The following DYNC1I2 variants were observed in gnomAD, a reference collection of about 807,000 sequenced individuals.
DYNC1I2 encodes dynein cytoplasmic 1 intermediate chain 2, also known as cytoplasmic dynein 1 intermediate chain 2.
A neutral mutation model predicts 88.6 loss-of-function variants in DYNC1I2; 53 were observed. The observed-to-expected ratio is 0.60, with a 90% CI of 0.48 to 0.75. DYNC1I2 has a LOEUF of 0.75. DYNC1I2 is among the 30% of genes least tolerant of loss of function. The pLI, the probability that DYNC1I2 is intolerant of heterozygous loss-of-function variation, is 0.00. For missense variants in DYNC1I2, 458 were observed against 766.6 expected (o/e 0.60, Z 4.75); for synonymous variants, 198 against 254.6 (o/e 0.78, Z 2.12).
chr2:171,698,244 T>A (rs1685932897), intron 3 of DYNC1I2, among the ~76,000 whole-genome samples: 1 of 152,236 alleles, frequency 6.6e-6, no homozygotes, highest in Non-Finnish European at 1.5e-5. Context: ...AAAGCTCTTC[T>A]GTAAAGGGGA....
chr2:171,732,429 T>C (rs936297733), intron 15 of DYNC1I2, among the ~76,000 whole-genome samples: 2 of 152,218 alleles, frequency 1.3e-5, no homozygotes, highest in Non-Finnish European at 2.9e-5. Context: ...ATATTTGAAG[T>C]GTTTAGGGTC....
chr2:171,736,544 G>C (rs1689020649), intron 15 of DYNC1I2, among the ~76,000 whole-genome samples: 1 of 152,158 alleles, frequency 6.6e-6, no homozygotes, highest in Non-Finnish European at 1.5e-5. Flanking sequence ...TTTATAATTT[G>C]AATGTTTAAT....
chr2:171,707,857 G>A (rs1415726779), intron 5 of DYNC1I2, among the ~76,000 whole-genome samples: 1 of 152,098 alleles, frequency 6.6e-6, no homozygotes, highest in Non-Finnish European at 1.5e-5. Flanking sequence ...AAAATGTCAA[G>A]AGTAAGGAAT....
At chr2:171,742,238 T>G (rs1160165496) in intron 15 of DYNC1I2, among the ~76,000 whole-genome samples, 2 of 152,088 alleles carry the variant, frequency 1.3e-5, no homozygotes, top group Non-Finnish European at 2.9e-5. Context: ...AGTGGTGTGA[T>G]TTCAGCTCAC....
At chr2:171,732,078 A>G (rs1377681746) in intron 15 of DYNC1I2, among the ~76,000 whole-genome samples, 2 of 152,144 alleles carry the variant, frequency 1.3e-5, no homozygotes, top group East Asian at 3.9e-4. Flanking sequence ...TCTTTCTCAA[A>G]TGTGACCGGG....
intron 15 of DYNC1I2, among the ~76,000 whole-genome samples, chr2:171,730,468 A>G (rs1237074214): frequency 6.6e-6 from 1 of 152,244 alleles, no homozygotes; most frequent in Non-Finnish European, 1.5e-5. Context: ...TGATAAAATG[A>G]TTCTTGATCC....
intron 3 of DYNC1I2, among the ~76,000 whole-genome samples, chr2:171,693,852 C>G (rs1286547035): frequency 6.6e-6 from 1 of 152,144 alleles, no homozygotes; most frequent in African/African-American, 2.4e-5. Context: ...GTTGAACATG[C>G]AATTTTAAAA....
chr2:171,692,773 T>C lies in DYNC1I2; in HGVS notation c.109-4T>C. ...AACATAAGTTTTTAACCTAAACATTTTAGACAGACCAGAAGAAGGAAGCTG... is the reference window on the plus strand; with the variant it reads ...AACATAAGTTTTTAACCTAAACATTCTAGACAGACCAGAAGAAGGAAGCTG... On this transcript the variant is annotated splice_polypyrimidine_tract_variant and splice_region_variant and intron_variant, in intron 2 of 17. Coordinates refer to ENST00000397119, the MANE Select transcript of DYNC1I2 (RefSeq NM_001378.3). 6.3e-7 allele frequency: 1 copy of C among 1,586,924 alleles called. No homozygotes were observed. Among genetic ancestry groups the C allele is most frequent in the Admixed American group, 1.8e-5 (1 of 54,610 alleles).
At chr2:171,710,266 A>G (rs2105564963) in intron 5 of DYNC1I2, among the ~76,000 whole-genome samples, 1 of 151,678 alleles carries the variant, frequency 6.6e-6, no homozygotes, top group East Asian at 1.9e-4. Context: ...TGCATTTCTA[A>G]ATATGTGACA....
chr2:171,747,348 T>C (rs1689867603), intron 17 of DYNC1I2, among the ~76,000 whole-genome samples: 1 of 151,556 alleles, frequency 6.6e-6, no homozygotes, highest in Non-Finnish European at 1.5e-5. Context: ...TCAAGAAAGA[T>C]TACCTTATGT....
At chr2:171,689,015 A>C (rs1685185843) in intron 1 of DYNC1I2, among the ~76,000 whole-genome samples, 1 of 152,188 alleles carries the variant, frequency 6.6e-6, no homozygotes, top group African/African-American at 2.4e-5. Flanking sequence ...TTAAAAAAAA[A>C]AAATCCTAAT....
intron 3 of DYNC1I2, among the ~76,000 whole-genome samples, chr2:171,705,131 A>G (rs1465060197): frequency 3.3e-5 from 5 of 152,104 alleles, no homozygotes; most frequent in Non-Finnish European, 5.9e-5. Flanking sequence ...CTGTGATAAT[A>G]TGGTAGCATC....
chr2:171,745,262 A>T (rs1186504624), intron 16 of DYNC1I2, among the ~76,000 whole-genome samples: 1 of 152,178 alleles, frequency 6.6e-6, no homozygotes, highest in Middle Eastern at 3.2e-3. Flanking sequence ...TGGTGCCATC[A>T]TCCTGGCTAT....
At chr2:171,730,096 T>C (rs1294258232) in intron 15 of DYNC1I2, among the ~76,000 whole-genome samples, 1 of 152,194 alleles carries the variant, frequency 6.6e-6, no homozygotes, top group South Asian at 2.1e-4. Flanking sequence ...TTCAGTCTTT[T>C]CGAGCATGTA....
chr2:171,712,634 T>G, intron 5 of DYNC1I2, 133 bp from the exon 6 acceptor site: 1 of 641,292 alleles, frequency 1.6e-6, no homozygotes, highest in Admixed American at 3.3e-5. Context: ...ATTTTTTTTT[T>G]TTAATACTAA....
At chr2:171,706,644 T>C in intron 4 of DYNC1I2, 80 bp downstream of exon 4, 2 of 1,311,120 alleles carry the variant, frequency 1.5e-6, no homozygotes, top group Non-Finnish European at 2.2e-6. Flanking sequence ...GAAGGCATGC[T>C]GTTTTATTGC....
At chr2:171,709,419 T>C (rs1259260668) in intron 5 of DYNC1I2, among the ~76,000 whole-genome samples, 1 of 152,200 alleles carries the variant, frequency 6.6e-6, no homozygotes, top group East Asian at 1.9e-4. Flanking sequence ...CCAACTTTAT[T>C]AAAATACTAT....
rs536430029 is a variant in DYNC1I2 at position 171,731,574 on chromosome 2, G to A, written c.1536+1721G>A. Reference sequence around the variant, plus strand: ...TCAAGACCAGTTTGGGTAACACAAGGAGACCCCATGTTTACAAAAAATTTA... The same window carrying A: ...TCAAGACCAGTTTGGGTAACACAAGAAGACCCCATGTTTACAAAAAATTTA... On this transcript the variant is annotated intron_variant, in intron 15 of 17. Coordinates refer to ENST00000397119, the MANE Select transcript of DYNC1I2 (RefSeq NM_001378.3). Among the ~76,000 whole-genome samples, 201 of 152,264 alleles carry A rather than the reference G, an allele frequency of 1.3e-3. 1 individual carries two copies. The highest frequency in any genetic ancestry group is 2.1e-3 in the Non-Finnish European group (143 of 68,020).
intron 3 of DYNC1I2, among the ~76,000 whole-genome samples, chr2:171,699,955 T>A (rs1245127926): frequency 6.6e-6 from 1 of 152,170 alleles, no homozygotes; most frequent in East Asian, 1.9e-4. Context: ...CTATTTCTTC[T>A]TATGTCTGTT....
Sources: allele counts gnomAD v4.1 joint callset (sites outside exome capture counted in the v4.1 genomes callset), GRCh38; gene constraint gnomAD v4.1.1; transcripts MANE v1.5; gene names NCBI Gene and HGNC (gene_info 2026-07-23, HGNC 2026-07-21).